The following NPAS3 variants were observed in gnomAD, a reference collection of about 807,000 sequenced individuals.
The protein encoded by NPAS3 is neuronal PAS domain protein 3.
In NPAS3, 14 loss-of-function variants were observed where a neutral mutation model predicts 73.1. The ratio of observed to expected loss-of-function variants is 0.19; its 90% CI spans 0.13 to 0.30. The LOEUF is 0.30. NPAS3 is among the 10% of genes least tolerant of loss of function. The pLI, the probability that NPAS3 is intolerant of heterozygous loss-of-function variation, is 1.00. For missense variants in NPAS3, 1,096 were observed against 1,250.0 expected (o/e 0.88, Z 1.86); for synonymous variants, 620 against 541.5 (o/e 1.14, Z -2.01).
At chr14:32,953,735 G>A (rs2036574163) in intron 1 of NPAS3, among the ~76,000 whole-genome samples, 1 of 152,120 alleles carries the variant, frequency 6.6e-6, no homozygotes, top group Non-Finnish European at 1.5e-5. Context: ...CTGAGCCCCA[G>A]TTCCCACAGG....
intron 4 of NPAS3, among the ~76,000 whole-genome samples, chr14:33,453,367 T>C (rs2049887831): frequency 6.6e-6 from 1 of 152,216 alleles, no homozygotes; most frequent in African/African-American, 2.4e-5. Context: ...ATAATTATAC[T>C]GTATGATTTA....
intron 6 of NPAS3, among the ~76,000 whole-genome samples, chr14:33,730,292 G>T (rs1040914440): frequency 6.6e-6 from 1 of 152,136 alleles, no homozygotes; most frequent in Non-Finnish European, 1.5e-5. Flanking sequence ...ACAAACATTT[G>T]TCATATTCTT....
intron 4 of NPAS3, among the ~76,000 whole-genome samples, chr14:33,433,074 A>G (rs1427263289): frequency 6.6e-6 from 1 of 152,180 alleles, no homozygotes; most frequent in Non-Finnish European, 1.5e-5. Flanking sequence ...AATGTCATCA[A>G]GTTGTGAGGA....
chr14:33,666,674 G>GTGTT (rs1169102484), intron 5 of NPAS3, among the ~76,000 whole-genome samples: 2 of 152,108 alleles, frequency 1.3e-5, no homozygotes, highest in East Asian at 1.9e-4. Context: ...GACTTTGTAT[G>GTGTT]TGTTTTTCTT....
intron 5 of NPAS3, among the ~76,000 whole-genome samples, chr14:33,640,206 A>AG (rs2058640049): frequency 6.6e-6 from 1 of 150,988 alleles, no homozygotes; most frequent in East Asian, 1.9e-4. Context: ...AAAAAAAAAA[A>AG]TTATCTGTAT....
At chr14:33,396,007 C>G (rs61972755) in intron 4 of NPAS3, among the ~76,000 whole-genome samples, 28,727 of 152,056 alleles carry the variant, frequency 0.19, 2,933 homozygotes, top group Admixed American at 0.27. Context: ...GCTTTGCCCC[C>G]ATTCCCTCCA....
At chr14:33,716,106 C>T (rs1256500674) in intron 6 of NPAS3, among the ~76,000 whole-genome samples, 2 of 152,178 alleles carry the variant, frequency 1.3e-5, no homozygotes, top group African/African-American at 4.8e-5. Flanking sequence ...TCCTTGGGGG[C>T]AAGACCACTA....
downstream of NPAS3, chr14:33,802,376 T>TAAAAAAAAAAAAAAAAAAAAAA (rs71293230): frequency 4.0e-4 from 38 of 95,666 alleles, no homozygotes; most frequent in East Asian, 1.4e-3. Context: ...GCACATTAAG[T>TAAAAAAAAAAAAAAAAAAAAAA]AAAAAAAAAA....
At position 33,317,927 on chromosome 14, in the gene NPAS3, G is replaced by A. The variant is rs529179643; in HGVS notation, c.386-49259G>A. Among the ~76,000 whole-genome samples the A allele has an allele frequency of 2.0e-5, 3 of 152,124 alleles. No individual in the cohort carries two copies. In the East Asian group the frequency reaches 5.8e-4, roughly 29 times the overall value. On this transcript the variant is annotated intron_variant, in intron 3 of 11. Transcript: ENST00000356141. ...TCATTCTTAAATCATGCATGTTGAAGTGCAGGGGTAAAATTTCATGATGTA... is the reference window on the plus strand; with the variant it reads ...TCATTCTTAAATCATGCATGTTGAAATGCAGGGGTAAAATTTCATGATGTA...
chr14:33,427,050 T>C (rs926122601), intron 4 of NPAS3, among the ~76,000 whole-genome samples: 2 of 152,086 alleles, frequency 1.3e-5, no homozygotes, highest in Non-Finnish European at 2.9e-5. Context: ...GTAAGCCATA[T>C]GTATAATATA....
intron 3 of NPAS3, among the ~76,000 whole-genome samples, chr14:33,347,859 A>G (rs2044820798): frequency 2.0e-5 from 3 of 152,234 alleles, no homozygotes; most frequent in South Asian, 4.1e-4. Flanking sequence ...TGTTTAGTGC[A>G]GACACAACCA....
At position 33,174,239 on chromosome 14, in the gene NPAS3, A is replaced by C. The variant is rs1302207969; in HGVS notation, c.141-40943A>C. Among the ~76,000 whole-genome samples, 8 of 152,188 alleles carry C rather than the reference A, an allele frequency of 5.3e-5. No homozygotes were observed. In the South Asian group the frequency reaches 1.7e-3, roughly 31 times the overall value. ...CTATGACTTATCCTATACACTGCAC[A>C]TCAGCATGCCCCTAACCAAAAGAAT... On this transcript the variant is annotated intron_variant, in intron 2 of 11. Coordinates refer to ENST00000356141, the Ensembl canonical transcript of NPAS3.
At chr14:33,112,769 A>G (rs1240426793) in intron 2 of NPAS3, among the ~76,000 whole-genome samples, 2 of 152,104 alleles carry the variant, frequency 1.3e-5, no homozygotes, top group African/African-American at 2.4e-5. Context: ...GGTATTGCCT[A>G]TGTTTTCTTC....
In NPAS3 at chr14:32,999,372, G is replaced by A. The variant is rs193283885; in HGVS notation, c.51-56533G>A. On this transcript the variant is annotated intron_variant, in intron 1 of 11. Transcript: ENST00000356141. ...TAAAAATACAAAAAATTGGCTAGGC[G>A]TGGTGGCAGGTGCCTGTAGTCCCAG... is the stretch of plus-strand genomic sequence containing the variant. Among the ~76,000 whole-genome samples, 1,221 of 152,166 alleles carry A rather than the reference G, an allele frequency of 8.0e-3. 37 individuals are homozygous for A. The highest frequency in any genetic ancestry group is 0.052 in the Admixed American group (799 of 15,272).
chr14:33,215,872 T>C (rs2047204221), intron 3 of NPAS3, among the ~76,000 whole-genome samples: 1 of 152,212 alleles, frequency 6.6e-6, no homozygotes, highest in South Asian at 2.1e-4. Context: ...AATGATTTTA[T>C]TGACCAATGA....
At chr14:33,045,084 C>A (rs1356387146) in intron 1 of NPAS3, among the ~76,000 whole-genome samples, 2 of 152,128 alleles carry the variant, frequency 1.3e-5, no homozygotes, top group African/African-American at 2.4e-5. Context: ...TACATTAAGG[C>A]CCAACCTGGA....
intron 2 of NPAS3, among the ~76,000 whole-genome samples, chr14:33,101,377 G>A (rs906735631): frequency 2.0e-5 from 3 of 152,058 alleles, no homozygotes; most frequent in Admixed American, 1.3e-4. Flanking sequence ...CAGGTGTATT[G>A]TAAACAAAGG....
At chr14:33,006,671 C>T (rs967218538) in intron 1 of NPAS3, among the ~76,000 whole-genome samples, 1 of 152,196 alleles carries the variant, frequency 6.6e-6, no homozygotes, top group Non-Finnish European at 1.5e-5. Flanking sequence ...GGACTCATTT[C>T]TCTATTCTTT....
chr14:33,497,320 T>G (rs1189187114), intron 4 of NPAS3, among the ~76,000 whole-genome samples: 1 of 152,012 alleles, frequency 6.6e-6, no homozygotes, highest in African/African-American at 2.4e-5. Context: ...GCTACCATTT[T>G]CTTTCCTCAC....
Sources: allele counts gnomAD v4.1 joint callset (sites outside exome capture counted in the v4.1 genomes callset), GRCh38; gene constraint gnomAD v4.1.1; transcripts MANE v1.5; gene names NCBI Gene and HGNC (gene_info 2026-07-23, HGNC 2026-07-21).